ZNF26: variants seen among roughly 807,000 people sequenced by gnomAD.
The protein encoded by ZNF26 is zinc finger protein 26, also known as epididymis luminal protein 179.
Under a neutral mutation model 54.9 loss-of-function variants are expected in ZNF26, and 32 were observed. The observed-to-expected ratio is 0.58, with a 90% CI of 0.44 to 0.78. The LOEUF is 0.78. Among genes scored for constraint, ZNF26 ranks in the 30% least tolerant of loss-of-function variants. The pLI is 0.00. For missense variants in ZNF26, 524 were observed against 634.0 expected, an observed-to-expected ratio of 0.83 and a Z score of 1.86; for synonymous variants, 221 against 209.2, an observed-to-expected ratio of 1.06 and a Z score of -0.49.
chr12:133,010,759 G>A lies in ZNF26; in HGVS notation c.880G>A (p.Ala294Thr). The change falls in exon 4 of 4, where the codon GCC (alanine) becomes ACC (threonine). Residue 294 changes from alanine (A) to threonine (T), a missense_variant. By Grantham distance (58) the Ala-to-Thr change is moderately conservative. Transcript: ENST00000328654. ...KPYECSECGK[A>T]FSLKSPFVVH... ...GTATGAATGCAGCGAATGTGGGAAA[G>A]CCTTTAGTTTGAAGTCTCCATTCGT... 1 of 1,613,694 alleles carries A rather than the reference G, an allele frequency of 6.2e-7. No individual in the cohort carries two copies. The highest frequency in any genetic ancestry group is 8.5e-7 in the Non-Finnish European group (1 of 1,179,694).
chr12:133,013,667 T>C lies in ZNF26; in HGVS notation c.*2186T>C, dbSNP rs1001398895. 17 of 161,310 alleles carry C rather than the reference T, an allele frequency of 1.1e-4. No individual in the cohort carries two copies. The highest frequency in any genetic ancestry group is 3.6e-4 in the African/African-American group (15 of 41,362). 10.0% of individuals were successfully genotyped at this position (161,310 alleles called of 1,614,324 possible). Reference sequence around the variant, plus strand: ...GAGTATCTGGGAAGAACCTGAGGACTCAGCCTAGCAAACTCTTCTGATAGA... The same window carrying C: ...GAGTATCTGGGAAGAACCTGAGGACCCAGCCTAGCAAACTCTTCTGATAGA... On this transcript the variant is annotated 3_prime_UTR_variant, in exon 4 of 4. Coordinates refer to ENST00000328654, the MANE Select transcript of ZNF26 (RefSeq NM_019591.4).
intron 1 of ZNF26, among the ~76,000 whole-genome samples, chr12:133,002,950 C>A (rs1447006412): frequency 6.6e-6 from 1 of 152,042 alleles, no homozygotes; most frequent in Non-Finnish European, 1.5e-5. Flanking sequence ...TACCTAGCAC[C>A]CCTGGCATGT....
intron 1 of ZNF26, chr12:133,006,293 CCT>C (rs1404048903): frequency 2.0e-6 from 2 of 985,318 alleles, no homozygotes; most frequent in Non-Finnish European, 2.4e-6. Context: ...TGTTTATCCC[CCT>C]GTTCTCAGCT....
chr12:132,995,603 T>G (rs1212275975), intron 1 of ZNF26, among the ~76,000 whole-genome samples: 9 of 152,190 alleles, frequency 5.9e-5, no homozygotes, highest in African/African-American at 2.2e-4. Flanking sequence ...AAGTTTTTAA[T>G]TTTTTGCTGA....
Position 133,026,843 on chromosome 12 carries a change from A to G in ZNF26, c.*15362A>G, listed in dbSNP as rs984081871. The G allele has an allele frequency of 2.6e-5, 4 of 152,214 alleles. No homozygotes were observed. The highest frequency in any genetic ancestry group is 7.2e-5 in the African/African-American group (3 of 41,446). 9.4% of individuals were successfully genotyped at this position (152,214 alleles called of 1,614,324 possible). A position where few individuals can be genotyped will look rare whatever the true frequency, so the allele number is the denominator to read the frequency against. On this transcript the variant is annotated 3_prime_UTR_variant, in exon 4 of 4. Transcript: ENST00000328654. ...CATCTGGCCTAGTTCAACTTTATAA[A>G]TAAATATGTCAAAGATAATTCAATA...
intron 3 of ZNF26, 111 bp downstream of exon 3, chr12:133,007,643 C>A: frequency 1.4e-6 from 1 of 698,726 alleles, no homozygotes; most frequent in Non-Finnish European, 2.4e-6. Flanking sequence ...AGTCCTTGAG[C>A]TATTGGAGCT....
intron 3 of ZNF26, among the ~76,000 whole-genome samples, chr12:133,008,648 C>T (rs991896787): frequency 5.9e-5 from 9 of 151,682 alleles, no homozygotes; most frequent in Admixed American, 2.6e-4. Flanking sequence ...TGGTGGCGGG[C>T]GCCTGTAGTC....
chr12:132,995,080 A>G (rs1953048040), intron 1 of ZNF26: 1 of 152,004 alleles, frequency 6.6e-6, no homozygotes, highest in African/African-American at 2.4e-5. Flanking sequence ...TTTAGTACAT[A>G]CTCTTAGTTT....
At chr12:133,000,611 A>C (rs1459985990) in intron 1 of ZNF26, among the ~76,000 whole-genome samples, 5 of 151,984 alleles carry the variant, frequency 3.3e-5, no homozygotes, top group African/African-American at 1.2e-4. Flanking sequence ...TTTTCTGTAG[A>C]GACAGGGTTT....
chr12:132,991,389 T>C (rs1194113850), intron 1 of ZNF26, among the ~76,000 whole-genome samples: 1 of 151,566 alleles, frequency 6.6e-6, no homozygotes, highest in African/African-American at 2.4e-5. Flanking sequence ...TCCCAGCTGC[T>C]CAGGAGGCTG....
Position 133,023,003 on chromosome 12 carries a change from GA to G in ZNF26, c.*11524del, listed in dbSNP as rs1348140500. On this transcript the variant is annotated 3_prime_UTR_variant, in exon 4 of 4. Transcript: ENST00000328654. Reference sequence around the variant, plus strand: ...GAAGAAGCAGTGAGTTGGAAAAAGGGAACACTAAGTAGAGGCTTCAAGTTAT... The same window carrying G: ...GAAGAAGCAGTGAGTTGGAAAAAGGGACACTAAGTAGAGGCTTCAAGTTAT... The G allele has an allele frequency of 1.3e-5, 2 of 152,160 alleles. No individual in the cohort carries two copies. Among genetic ancestry groups the G allele is most frequent in the African/African-American group, 4.8e-5 (2 of 41,442 alleles). The allele number at this position is 152,160 out of a possible 1,614,324, so 9.4% of individuals were successfully genotyped here. A position where few individuals can be genotyped will look rare whatever the true frequency, so the allele number is the denominator to read the frequency against.
At position 133,010,475 on chromosome 12, in the gene ZNF26, A is replaced by G; in HGVS notation, c.596A>G (p.Glu199Gly). The change falls in exon 4 of 4, where the codon GAG becomes GGG. Residue 199 changes from glutamate (E) to glycine (G), a missense_variant. Transcript: ENST00000328654. ...GTACATCTCAGAATTCATACAGGAG[A>G]GAGACCTTATGAATGCAGTAAATGT... ...LIVHLRIHTG[E>G]RPYECSKCER... is the part of the protein sequence containing the mutation. The G allele has an allele frequency of 6.2e-7, 1 of 1,613,870 alleles. No homozygotes were observed. The highest frequency in any genetic ancestry group is 8.5e-7 in the Non-Finnish European group (1 of 1,179,940).
At chr12:132,995,548 C>T (rs946670599) in intron 1 of ZNF26, among the ~76,000 whole-genome samples, 3 of 152,184 alleles carry the variant, frequency 2.0e-5, no homozygotes, top group Non-Finnish European at 4.4e-5. Flanking sequence ...TATCAATTAT[C>T]TGCCTATTCC....
At position 133,017,707 on chromosome 12, in the gene ZNF26, A is replaced by T. The variant is rs1953582920; in HGVS notation, c.*6226A>T. On this transcript the variant is annotated 3_prime_UTR_variant, in exon 4 of 4. Coordinates refer to ENST00000328654, the MANE Select transcript of ZNF26 (RefSeq NM_019591.4). ...GCAAGTGCAGATTTCTTATTTTATT[A>T]GTAACTGATTAATAATTATAGGCCA... is the stretch of plus-strand genomic sequence containing the variant. 2 of 152,248 alleles carry T rather than the reference A, an allele frequency of 1.3e-5. No individual in the cohort carries two copies. The highest frequency in any genetic ancestry group is 4.8e-5 in the African/African-American group (2 of 41,470). The allele number at this position is 152,248 out of a possible 1,614,324, so 9.4% of individuals were successfully genotyped here. A position where few individuals can be genotyped will look rare whatever the true frequency, so the allele number is the denominator to read the frequency against.
Position 133,018,085 on chromosome 12 carries a change from A to G in ZNF26, c.*6604A>G, listed in dbSNP as rs1953592247. On this transcript the variant is annotated 3_prime_UTR_variant, in exon 4 of 4. Transcript: ENST00000328654. Reference sequence around the variant, plus strand: ...GGACTATAACATACAGAAGTGTAATATGTCTACCAATAACACCACAAAGGA... The same window carrying G: ...GGACTATAACATACAGAAGTGTAATGTGTCTACCAATAACACCACAAAGGA... 1 of 152,226 alleles carries G rather than the reference A, an allele frequency of 6.6e-6. No homozygotes were observed. Among genetic ancestry groups the G allele is most frequent in the Non-Finnish European group, 1.5e-5 (1 of 68,040 alleles). 9.4% of individuals were successfully genotyped at this position (152,226 alleles called of 1,614,324 possible). A position where few individuals can be genotyped will look rare whatever the true frequency, so the allele number is the denominator to read the frequency against.
rs1953127912 is a variant in ZNF26, at chr12:132,997,993, TTC to T, written c.34-9041_34-9040del. On this transcript the variant is annotated intron_variant, in intron 1 of 3. Transcript: ENST00000328654. Reference sequence around the variant, plus strand: ...AGAACAGCAATCAGAATCTAAAATTTTCTCTCTCTGGTGTCCCTACTTCTACC... The same window carrying T: ...AGAACAGCAATCAGAATCTAAAATTTTCTCTCTGGTGTCCCTACTTCTACC... 3.9e-5 allele frequency among the ~76,000 whole-genome samples: 6 copies of T among 152,256 alleles called. No homozygotes were observed. The South Asian group carries it at 1.0e-3, about 26-fold the overall frequency.
In ZNF26 at chr12:133,011,473, C is replaced by G; in HGVS notation, c.1594C>G (p.His532Asp). The G allele has an allele frequency of 1.3e-6, 2 of 1,539,974 alleles. No homozygotes were observed. The highest frequency in any genetic ancestry group is 1.7e-6 in the Non-Finnish European group (2 of 1,147,302). Reference sequence around the variant, plus strand: ...AGGGCTTCGTATACATCGGAAGACTCATAAATGAGAAATCAGAATGATGCA... The same window carrying G: ...AGGGCTTCGTATACATCGGAAGACTGATAAATGAGAAATCAGAATGATGCA... Reference protein sequence around the residue: ...NSGLRIHRKTHK With the variant: ...NSGLRIHRKTDK Residue 532 changes from histidine to aspartate, a missense_variant, in exon 4 of 4, where the codon CAT (histidine) becomes GAT (aspartate). Physicochemically the swap from His to Asp is moderately conservative, Grantham distance 81. Transcript: ENST00000328654.
Position 133,017,608 on chromosome 12 carries a change from C to T in ZNF26, c.*6127C>T, listed in dbSNP as rs1205587758. On this transcript the variant is annotated 3_prime_UTR_variant, in exon 4 of 4. Coordinates refer to ENST00000328654, the MANE Select transcript of ZNF26 (RefSeq NM_019591.4). ...AGAGCAACAGTCTGAGGAATGACCC[C>T]AGGCAGTAATTTGTTTCCACAGAAA... The T allele has an allele frequency of 6.6e-6, 1 of 152,132 alleles. No individual in the cohort carries two copies. The highest frequency in any genetic ancestry group is 1.5e-5 in the Non-Finnish European group (1 of 68,034). The allele number at this position is 152,132 out of a possible 1,614,324, so 9.4% of individuals were successfully genotyped here. A position where few individuals can be genotyped will look rare whatever the true frequency, so the allele number is the denominator to read the frequency against.
rs1332076961 is a variant in ZNF26 at position 133,005,976 on chromosome 12, T to G, written c.34-1066T>G. 9 of 462,680 alleles carry G rather than the reference T, an allele frequency of 1.9e-5. No homozygotes were observed. In the East Asian group the frequency reaches 1.4e-3, roughly 71 times the overall value. The allele number at this position is 462,680 out of a possible 1,614,324, so 28.7% of individuals were successfully genotyped here. On this transcript the variant is annotated intron_variant, in intron 1 of 3. Coordinates refer to ENST00000328654, the MANE Select transcript of ZNF26 (RefSeq NM_019591.4). ...TCCTTGAATTGACCAGGCTCTACCA[T>G]GTGTTCTGTGTGATGCTTGCTTCTG...
Sources: allele counts gnomAD v4.1 joint callset (sites outside exome capture counted in the v4.1 genomes callset), GRCh38; gene constraint gnomAD v4.1.1; transcripts MANE v1.5; gene names NCBI Gene and HGNC (gene_info 2026-07-23, HGNC 2026-07-21).